SLCO3A1: variants seen among roughly 807,000 people sequenced by gnomAD.
The protein encoded by SLCO3A1 is PGE1 transporter.
In SLCO3A1, 27 loss-of-function variants were observed where a neutral mutation model predicts 63.1. The observed-to-expected ratio is 0.43, with a 90% CI of 0.32 to 0.59. The LOEUF (loss-of-function observed/expected upper bound fraction) is 0.59, where lower values mean the gene tolerates loss of function less well. Among genes scored for constraint, SLCO3A1 ranks in the 20% least tolerant of loss-of-function variants. The pLI is 0.09. For synonymous variants in SLCO3A1, 473 were observed against 409.9 expected, an observed-to-expected ratio of 1.15 and a Z score of -1.86; for missense variants, 773 against 945.8, an observed-to-expected ratio of 0.82 and a Z score of 2.40.
intron 2 of SLCO3A1, among the ~76,000 whole-genome samples, chr15:92,080,260 G>T (rs2047326991): frequency 6.6e-6 from 1 of 152,180 alleles, no homozygotes; most frequent in Non-Finnish European, 1.5e-5. Context: ...TCAGTTTACA[G>T]TTCAACACAC....
chr15:91,879,870 A>G (rs1897509758), intron 1 of SLCO3A1, among the ~76,000 whole-genome samples: 2 of 152,162 alleles, frequency 1.3e-5, no homozygotes, highest in East Asian at 1.9e-4. Flanking sequence ...AGAGGATCCC[A>G]TGGTCTCCGA....
intron 2 of SLCO3A1, among the ~76,000 whole-genome samples, chr15:92,084,422 C>T (rs1245498313): frequency 6.6e-6 from 1 of 152,108 alleles, no homozygotes; most frequent in Non-Finnish European, 1.5e-5. Context: ...GTTGTCATCC[C>T]ATTTTACAGA....
At chr15:92,007,166 A>G (rs2046322300) in intron 2 of SLCO3A1, among the ~76,000 whole-genome samples, 1 of 152,234 alleles carries the variant, frequency 6.6e-6, no homozygotes, top group South Asian at 2.1e-4. Context: ...GTTCTCAATG[A>G]GATAAAGGTC....
At chr15:92,007,172 AG>A (rs1249904499) in intron 2 of SLCO3A1, among the ~76,000 whole-genome samples, 1 of 152,224 alleles carries the variant, frequency 6.6e-6, no homozygotes, top group Non-Finnish European at 1.5e-5. Flanking sequence ...AATGAGATAA[AG>A]GTCAGTTTCA....
At chr15:92,109,825 C>A (rs1024669958) in intron 4 of SLCO3A1, among the ~76,000 whole-genome samples, 3 of 152,084 alleles carry the variant, frequency 2.0e-5, no homozygotes, top group Admixed American at 1.3e-4. Context: ...ATGTTACTTA[C>A]CTCTGTCCTG....
At chr15:92,035,321 C>A (rs1282971131) in intron 2 of SLCO3A1, among the ~76,000 whole-genome samples, 1 of 151,822 alleles carries the variant, frequency 6.6e-6, no homozygotes, top group Non-Finnish European at 1.5e-5. Flanking sequence ...TGGGAAACAT[C>A]ATGATTTTGC....
At position 91,863,347 on chromosome 15, in the gene SLCO3A1, G is replaced by T. The variant is rs1205043760; in HGVS notation, c.180+9259G>T. On this transcript the variant is annotated intron_variant, in intron 1 of 9. Transcript: ENST00000318445. This position sits in a 1 kb window ranked among gnomAD's most constrained non-coding sequence, Gnocchi z 4.3. ...TTGTCCTGGGTCTGTGGTCACTGTA[G>T]CTTTCAGGGTGGTGGAGGGCAGGGC... is the stretch of plus-strand genomic sequence containing the variant. Among the ~76,000 whole-genome samples, 1 of 152,250 alleles carries T rather than the reference G, an allele frequency of 6.6e-6. No homozygotes were observed. Among genetic ancestry groups the T allele is most frequent in the Non-Finnish European group, 1.5e-5 (1 of 68,046 alleles).
intron 2 of SLCO3A1, among the ~76,000 whole-genome samples, chr15:92,058,761 T>C (rs2047051639): frequency 6.6e-6 from 1 of 152,142 alleles, no homozygotes; most frequent in African/African-American, 2.4e-5. Flanking sequence ...TCAAGGTGTC[T>C]TAGGGTTAAC....
In SLCO3A1 at chr15:92,165,302, G is replaced by A; in HGVS notation, c.*2167G>A. The A allele has an allele frequency of 1.0e-6, 1 of 985,306 alleles. No homozygotes were observed. The highest frequency in any genetic ancestry group is 1.2e-6 in the Non-Finnish European group (1 of 829,852). The allele number at this position is 985,306 out of a possible 1,614,324, so 61.0% of individuals were successfully genotyped here. Reference sequence around the variant, plus strand: ...TCAGTACGTTAACTACTAAAGGGGAGATGGTTCTCCAACCACTTCATAAAA... The same window carrying A: ...TCAGTACGTTAACTACTAAAGGGGAAATGGTTCTCCAACCACTTCATAAAA... On this transcript the variant is annotated 3_prime_UTR_variant, in exon 10 of 10. Transcript: ENST00000318445.
chr15:91,944,639 A>G (rs1899739047), intron 2 of SLCO3A1, among the ~76,000 whole-genome samples: 1 of 152,026 alleles, frequency 6.6e-6, no homozygotes. Flanking sequence ...TGCATCTCTG[A>G]TATGGAGGAG....
downstream of SLCO3A1, among the ~76,000 whole-genome samples, chr15:92,170,416 C>T (rs145065183): frequency 2.2e-4 from 33 of 152,266 alleles, no homozygotes; most frequent in Admixed American, 9.8e-4. Context: ...ACCAGCCCTA[C>T]GAGGTAAGTA....
At chr15:92,142,126 T>A (rs746194938) in intron 7 of SLCO3A1, among the ~76,000 whole-genome samples, 1 of 152,234 alleles carries the variant, frequency 6.6e-6, no homozygotes, top group Non-Finnish European at 1.5e-5. Context: ...GAGAGATCCA[T>A]CCATTTCCAG....
intron 5 of SLCO3A1, among the ~76,000 whole-genome samples, chr15:92,124,214 T>A (rs1056489667): frequency 6.6e-6 from 1 of 152,194 alleles, no homozygotes; most frequent in Non-Finnish European, 1.5e-5. Flanking sequence ...CTGGTGGTGC[T>A]GATTTGTGAG....
At position 92,096,661 on chromosome 15, in the gene SLCO3A1, A is replaced by T. The variant is rs188483344; in HGVS notation, c.745+1682A>T. Reference sequence around the variant, plus strand: ...CAGGTTCTCAATCCATCATCTCTTGACAATGCTAAATTTACTAATTCACCC... The same window carrying T: ...CAGGTTCTCAATCCATCATCTCTTGTCAATGCTAAATTTACTAATTCACCC... On this transcript the variant is annotated intron_variant, in intron 3 of 9. Coordinates refer to ENST00000318445, the MANE Select transcript of SLCO3A1 (RefSeq NM_013272.4). 4.8e-4 allele frequency among the ~76,000 whole-genome samples: 73 copies of T among 152,304 alleles called. No homozygotes were observed. In the South Asian group the frequency reaches 0.014, roughly 29 times the overall value.
chr15:92,077,090 C>T (rs549476272), intron 2 of SLCO3A1, among the ~76,000 whole-genome samples: 30 of 152,022 alleles, frequency 2.0e-4, no homozygotes, highest in Admixed American at 7.2e-4. Flanking sequence ...AGAAAAGCCC[C>T]GTATAAACCC....
chr15:91,892,690 G>A (rs1897900769), intron 1 of SLCO3A1, among the ~76,000 whole-genome samples: 1 of 152,168 alleles, frequency 6.6e-6, no homozygotes, highest in African/African-American at 2.4e-5. Flanking sequence ...GAAATGTGGA[G>A]GATCTTCCGT....
At chr15:91,989,008 T>C (rs1450074419) in intron 2 of SLCO3A1, among the ~76,000 whole-genome samples, 1 of 152,200 alleles carries the variant, frequency 6.6e-6, no homozygotes, top group African/African-American at 2.4e-5. Context: ...TTGTGTCTCC[T>C]TGTGGGGATA....
intron 2 of SLCO3A1, among the ~76,000 whole-genome samples, chr15:92,036,716 A>G (rs1321936612): frequency 6.6e-6 from 1 of 152,154 alleles, no homozygotes; most frequent in Non-Finnish European, 1.5e-5. Context: ...GGTCTCTGAG[A>G]CTTCTTCCAG....
Position 91,907,715 on chromosome 15 carries a change from G to A in SLCO3A1, c.181-8278G>A, listed in dbSNP as rs147471402. Among the ~76,000 whole-genome samples the A allele has an allele frequency of 5.9e-4, 90 of 151,794 alleles. 1 individual carries two copies. Among genetic ancestry groups the A allele is most frequent in the South Asian group, 1.5e-3 (7 of 4,800 alleles). On this transcript the variant is annotated intron_variant, in intron 1 of 9. Transcript: ENST00000318445. ...TGTTTTTTACACTTTTAGTAGAGAC[G>A]GGGTTTCACCATATTGGTCAGGCTG... is the stretch of plus-strand genomic sequence containing the variant.
Sources: gnomAD v4.1 joint callset for allele counts (sites outside exome capture counted in the v4.1 genomes callset) on GRCh38, gnomAD v4.1.1 for gene constraint, Gnocchi (gnomAD v3.1) non-coding constraint, MANE v1.5 for transcripts, NCBI Gene and HGNC (gene_info 2026-07-23, HGNC 2026-07-21) for gene names.